The following FER1L6 variants were observed in gnomAD, a reference collection of about 807,000 sequenced individuals.
FER1L6 encodes the protein fer-1 like family member 6.
Under a neutral mutation model 219.2 loss-of-function variants are expected in FER1L6, and 177 were observed. The ratio of observed to expected loss-of-function variants is 0.81; its 90% confidence interval spans 0.71 to 0.91. The LOEUF is 0.91. FER1L6 is among the 40% of genes least tolerant of loss of function. The pLI, the probability that FER1L6 is intolerant of heterozygous loss-of-function variation, is 0.00. For synonymous variants in FER1L6, 768 were observed against 824.3 expected, an observed-to-expected ratio of 0.93 and a Z score of 1.17; for missense variants, 2,153 against 2,259.9, an observed-to-expected ratio of 0.95 and a Z score of 0.96.
chr8:123,889,706 G>A (rs1191844301), intron 1 of FER1L6, among the ~76,000 whole-genome samples: 1 of 152,024 alleles, frequency 6.6e-6, no homozygotes, highest in Non-Finnish European at 1.5e-5. Context: ...TTATCTAAAG[G>A]TTAATTTAAA....
At chr8:123,971,244 T>C (rs1200986712) in intron 6 of FER1L6, among the ~76,000 whole-genome samples, 2 of 152,236 alleles carry the variant, frequency 1.3e-5, no homozygotes, top group Admixed American at 6.5e-5. Flanking sequence ...AGTGGAATTA[T>C]GACATTAACC....
At chr8:124,069,322 C>T (rs370200644) in intron 28 of FER1L6, 38 bp from the exon 29 acceptor site, 38 of 1,457,596 alleles carry the variant, frequency 2.6e-5, no homozygotes, top group African/African-American at 1.5e-4. Flanking sequence ...CTCATCTCAA[C>T]CGCCATGAGA....
chr8:123,929,683 G>A (rs1220704415), intron 1 of FER1L6, among the ~76,000 whole-genome samples: 1 of 152,142 alleles, frequency 6.6e-6, no homozygotes, highest in Non-Finnish European at 1.5e-5. Context: ...GGCTGCCCTT[G>A]ATGGGTAACA....
rs1289338013 is a variant in FER1L6 at position 123,933,394 on chromosome 8, GTGTGTGTC to G, written c.-7-22590_-7-22583del. On this transcript the variant is annotated intron_variant, in intron 1 of 40. Transcript: ENST00000522917. ...TATGTGTGTCTGTGTGTGTGTGTGT[GTGTGTGTC>G]TGTGTGTGTGTAGCCTCACACTAGC... Among the ~76,000 whole-genome samples, 384 of 87,626 alleles carry G rather than the reference GTGTGTGTC, an allele frequency of 4.4e-3. 1 individual carries two copies. Among genetic ancestry groups the G allele is most frequent in the African/African-American group, 0.025 (376 of 14,974 alleles). The allele number at this position is 87,626 out of a possible 152,430, so 57.5% of individuals were successfully genotyped here. A position where few individuals can be genotyped will look rare whatever the true frequency, so the allele number is the denominator to read the frequency against.
chr8:123,876,322 T>C (rs2130286330), intron 1 of FER1L6, among the ~76,000 whole-genome samples: 1 of 152,026 alleles, frequency 6.6e-6, no homozygotes, highest in Non-Finnish European at 1.5e-5. Context: ...TATTTAAATG[T>C]CACTTTTTTT....
intron 34 of FER1L6, among the ~76,000 whole-genome samples, chr8:124,092,785 A>G (rs1822092652): frequency 6.6e-6 from 1 of 152,068 alleles, no homozygotes; most frequent in African/African-American, 2.4e-5. Context: ...TGGAAGGCAA[A>G]CAGGGAGCCA....
chr8:124,099,782 C>A (rs1431757801), intron 37 of FER1L6, among the ~76,000 whole-genome samples: 1 of 152,198 alleles, frequency 6.6e-6, no homozygotes, highest in Non-Finnish European at 1.5e-5. Context: ...CCCTGCCTCT[C>A]TCTCTCTCCA....
intron 1 of FER1L6, among the ~76,000 whole-genome samples, chr8:123,867,752 A>G (rs1479389243): frequency 6.6e-6 from 1 of 151,796 alleles, no homozygotes; most frequent in Non-Finnish European, 1.5e-5. Context: ...ATGAAGATGG[A>G]TGGCATTTTT....
chr8:124,071,152 T>C (rs1223001465), intron 30 of FER1L6, among the ~76,000 whole-genome samples: 2 of 152,176 alleles, frequency 1.3e-5, no homozygotes, highest in Non-Finnish European at 2.9e-5. Context: ...TAAGCCTCAG[T>C]TGCTGTCTGG....
At chr8:124,097,724 C>T (rs1822367432) in intron 36 of FER1L6, 61 bp from the exon 37 acceptor site, 4 of 925,010 alleles carry the variant, frequency 4.3e-6, no homozygotes, top group Non-Finnish European at 7.2e-6. Flanking sequence ...TAGAACCACA[C>T]AGACACCAAC....
At position 124,103,327 on chromosome 8, in the gene FER1L6, G is replaced by A. The variant is rs557649862; in HGVS notation, c.5289+18G>A. ...AACTCACAGTAAGTGACAGCTATGG[G>A]AGGTGGAGGAGATGGGGGAAGTTGG... On this transcript the variant is annotated intron_variant, in intron 39 of 40. Transcript: ENST00000522917. 23 of 1,605,902 alleles carry A rather than the reference G, an allele frequency of 1.4e-5. No homozygotes were observed. In the South Asian group the frequency reaches 2.6e-4, roughly 18 times the overall value.
chr8:124,105,585 G>C (rs189658944), intron 39 of FER1L6, among the ~76,000 whole-genome samples: 2 of 152,294 alleles, frequency 1.3e-5, no homozygotes, highest in East Asian at 3.9e-4. Context: ...CTTTGGAGAA[G>C]GGCACTTGGT....
chr8:123,933,077 C>T (rs1018148450), intron 1 of FER1L6, among the ~76,000 whole-genome samples: 1 of 152,242 alleles, frequency 6.6e-6, no homozygotes, highest in East Asian at 1.9e-4. Flanking sequence ...CTGGTGTGTC[C>T]GAGGGTTTCT....
intron 1 of FER1L6, among the ~76,000 whole-genome samples, chr8:123,930,012 T>A (rs1461605926): frequency 6.6e-6 from 1 of 151,448 alleles, no homozygotes; most frequent in Admixed American, 6.6e-5. Context: ...TAATTGTAAA[T>A]TATTGAGAAA....
At chr8:123,952,338 C>G (rs769599178) in intron 1 of FER1L6, among the ~76,000 whole-genome samples, 29 of 152,236 alleles carry the variant, frequency 1.9e-4, no homozygotes, top group Non-Finnish European at 1.3e-4. Flanking sequence ...CAGTGCGGGC[C>G]TTGTGGTTAA....
intron 6 of FER1L6, among the ~76,000 whole-genome samples, chr8:123,972,708 T>C (rs1815874711): frequency 6.6e-6 from 1 of 152,216 alleles, no homozygotes; most frequent in Non-Finnish European, 1.5e-5. Flanking sequence ...CATGACAGCA[T>C]TTACATGATT....
intron 1 of FER1L6, among the ~76,000 whole-genome samples, chr8:123,871,004 A>G (rs1237063979): frequency 6.6e-6 from 1 of 152,320 alleles, no homozygotes; most frequent in East Asian, 1.9e-4. Context: ...TTATAAAACC[A>G]CTATATATGT....
At chr8:124,093,955 A>C (rs1051367574) in intron 34 of FER1L6, among the ~76,000 whole-genome samples, 4 of 152,046 alleles carry the variant, frequency 2.6e-5, no homozygotes, top group Admixed American at 2.0e-4. Context: ...CAATTTTCCT[A>C]TATCAAATTA....
At chr8:124,074,004 T>C (rs900177387) in intron 31 of FER1L6, among the ~76,000 whole-genome samples, 1 of 152,208 alleles carries the variant, frequency 6.6e-6, no homozygotes, top group African/African-American at 2.4e-5. Context: ...TCCTTGAACA[T>C]ACAGCTTTAT....
Sources: gnomAD v4.1 joint callset for allele counts (sites outside exome capture counted in the v4.1 genomes callset) on GRCh38, gnomAD v4.1.1 for gene constraint, MANE v1.5 for transcripts, NCBI Gene and HGNC (gene_info 2026-07-23, HGNC 2026-07-21) for gene names.